The following IGDCC3 variants were observed in gnomAD, a reference collection of about 807,000 sequenced individuals.
IGDCC3 encodes putative neuronal cell adhesion molecule.
Under a neutral mutation model 72.0 loss-of-function variants are expected in IGDCC3, and 47 were observed. That is an observed-to-expected ratio of 0.65 (90% CI 0.52 to 0.83). The LOEUF (loss-of-function observed/expected upper bound fraction) is 0.83. Ranked by LOEUF, IGDCC3 falls within the 40% of genes least tolerant of loss-of-function variation. IGDCC3 has a pLI of 0.00. For missense variants in IGDCC3, 1,038 were observed against 1,091.3 expected (o/e 0.95, Z 0.69); for synonymous variants, 477 against 472.8 (o/e 1.01, Z -0.11).
intron 5 of IGDCC3, 24 bp from the exon 6 acceptor site, chr15:65,333,439 TG>T (rs781504511): frequency 6.3e-7 from 1 of 1,575,608 alleles, no homozygotes; most frequent in South Asian, 1.2e-5. Flanking sequence ...GGAGGGGGGA[TG>T]GGTGAGGGTC....
chr15:65,329,342 C>T lies in IGDCC3; in HGVS notation c.2205+48G>A. 2 of 1,536,376 alleles carry T rather than the reference C, an allele frequency of 1.3e-6. No individual in the cohort carries two copies. On this transcript the variant is annotated intron_variant, in intron 13 of 13. Coordinates refer to ENST00000327987, the MANE Select transcript of IGDCC3 (RefSeq NM_004884.4). The surrounding 1 kb of genome is among the most constrained non-coding windows in gnomAD (Gnocchi z 4.1). ...GAAGGGGGGCAGGATTGGAAGGTGG[C>T]AGTGTCAGAGCCTGAGGCGGGGGTT...
intron 8 of IGDCC3, 36 bp from the exon 9 acceptor site, chr15:65,331,250 G>A: frequency 1.2e-6 from 2 of 1,606,980 alleles, no homozygotes; most frequent in Non-Finnish European, 1.7e-6. Flanking sequence ...GAGTGTGAAG[G>A]ACTGGGGGAG....
At chr15:65,338,771 A>G (rs2091053194) in intron 2 of IGDCC3, among the ~76,000 whole-genome samples, 1 of 152,218 alleles carries the variant, frequency 6.6e-6, no homozygotes, top group Non-Finnish European at 1.5e-5. Flanking sequence ...GTCGCTCTTC[A>G]GGGCCCCTCC....
intron 11 of IGDCC3, among the ~76,000 whole-genome samples, 192 bp from the exon 12 acceptor site, chr15:65,330,056 G>A (rs1374836818): frequency 6.6e-6 from 1 of 152,112 alleles, no homozygotes; most frequent in Admixed American, 6.5e-5. Flanking sequence ...GAATAGCATG[G>A]ACCATTTCAT....
intron 2 of IGDCC3, chr15:65,373,447 G>A (rs911973760): frequency 6.6e-6 from 1 of 152,356 alleles, no homozygotes; most frequent in Non-Finnish European, 1.5e-5. Context: ...ACTCCATATG[G>A]GGGCCTGGAT....
rs2090972891 is a variant in IGDCC3, at chr15:65,331,047, C to T, written c.1561+3G>A. 1.9e-6 allele frequency: 3 copies of T among 1,613,318 alleles called. No homozygotes were observed. In the African/African-American group the frequency reaches 4.0e-5, roughly 21 times the overall value. On this transcript the variant is annotated splice_donor_region_variant and intron_variant, in intron 9 of 13. Coordinates refer to ENST00000327987, the MANE Select transcript of IGDCC3 (RefSeq NM_004884.4). ...GGTTTTGTGCTCCACACCCAGGCCT[C>T]ACCTTCACCCAGGGTGCTAGCTAGG... is the stretch of plus-strand genomic sequence containing the variant.
chr15:65,377,355 T>G lies in IGDCC3; in HGVS notation c.103+331A>C, dbSNP rs28408183. On this transcript the variant is annotated intron_variant, in intron 1 of 13. Transcript: ENST00000327987. The surrounding 1 kb of genome is among the most constrained non-coding windows in gnomAD (Gnocchi z 4.9). ...CGTCCGCCTCGGTCAGCGCTTAGCC[T>G]TGCGGTCTCCCCTGGCTCGTTTCCC... Among the ~76,000 whole-genome samples, 21,516 of 152,116 alleles carry G rather than the reference T, an allele frequency of 0.14. 1,674 individuals carry two copies. The highest frequency in any genetic ancestry group is 0.19 in the African/African-American group (8,012 of 41,498).
rs2091369859 is a variant in IGDCC3 at position 65,377,873 on chromosome 15, C to T, written c.-85G>A. On this transcript the variant is annotated 5_prime_UTR_variant, in exon 1 of 14. Transcript: ENST00000327987. This position sits in a 1 kb window ranked among gnomAD's most constrained non-coding sequence, Gnocchi z 4.9. The stretch of plus-strand genomic sequence containing the variant: ...GCGTCCCGCGGGGCCGGCGCCGGGG[C>T]CGGGGCTGGGGCTCCGGCCGGGGCC... 9 of 1,049,426 alleles carry T rather than the reference C, an allele frequency of 8.6e-6. No homozygotes were observed. The highest frequency in any genetic ancestry group is 1.7e-5 in the African/African-American group (1 of 58,478). 65.0% of individuals were successfully genotyped at this position (1,049,426 alleles called of 1,614,324 possible).
rs1470583034 is a variant in IGDCC3 at position 65,328,624 on chromosome 15, A to ATGTT, written c.*281_*284dup. 15 of 329,942 alleles carry ATGTT rather than the reference A, an allele frequency of 4.5e-5. No homozygotes were observed. Among genetic ancestry groups the ATGTT allele is most frequent in the Non-Finnish European group, 7.6e-5 (14 of 183,102 alleles). 20.4% of individuals were successfully genotyped at this position (329,942 alleles called of 1,614,324 possible). ...TTTAAGTTTTGCTTTTTAAAGAAAA[A>ATGTT]TGTTAGTTCAGTTCCAAGTCATGTG... On this transcript the variant is annotated 3_prime_UTR_variant, in exon 14 of 14. Coordinates refer to ENST00000327987, the MANE Select transcript of IGDCC3 (RefSeq NM_004884.4).
At chr15:65,361,172 T>C (rs2091257964) in intron 2 of IGDCC3, among the ~76,000 whole-genome samples, 1 of 152,108 alleles carries the variant, frequency 6.6e-6, no homozygotes, top group East Asian at 1.9e-4. Flanking sequence ...CTCAAGCCTG[T>C]AATCCCAGTA....
At chr15:65,356,037 C>T in intron 2 of IGDCC3, 2 of 262,546 alleles carry the variant, frequency 7.6e-6, no homozygotes, top group South Asian at 5.8e-5. Flanking sequence ...CCGGGCCCCT[C>T]CCCGAGCCTT....
At chr15:65,334,514 T>C in intron 5 of IGDCC3, 1 of 544,170 alleles carries the variant, frequency 1.8e-6, no homozygotes, top group East Asian at 3.2e-5. Flanking sequence ...AAGCCATCCC[T>C]GCAGGGATGA....
intron 2 of IGDCC3, chr15:65,355,794 G>A (rs2140160059): frequency 2.2e-6 from 1 of 453,514 alleles, no homozygotes; most frequent in Non-Finnish European, 4.4e-6. Flanking sequence ...GACAGCCATT[G>A]TCCTCGCACG....
intron 2 of IGDCC3, among the ~76,000 whole-genome samples, chr15:65,370,658 C>A (rs1322421949): frequency 1.6e-5 from 2 of 123,064 alleles, no homozygotes; most frequent in East Asian, 3.4e-4. Flanking sequence ...AAAATTAGTA[C>A]CTTAATAATA....
At chr15:65,347,103 G>A (rs371958500) in intron 2 of IGDCC3, among the ~76,000 whole-genome samples, 68 of 152,302 alleles carry the variant, frequency 4.5e-4, no homozygotes, top group South Asian at 2.1e-4. Context: ...AACTTCCGTC[G>A]TTCTGGTCAG....
chr15:65,330,728 G>A lies in IGDCC3; in HGVS notation c.1575C>T (p.Pro525=), dbSNP rs1443050616. The change falls in exon 10 of 14, where the codon CCC becomes CCT. Residue 525 remains proline, a synonymous_variant. Coordinates refer to ENST00000327987, the MANE Select transcript of IGDCC3 (RefSeq NM_004884.4). The part of the protein sequence containing the change: ...ASTLGEAPAP[P]PLSVRVLGSS... ...TGCCCAGGACTCGCACTGACAGTGG[G>A]GGTGGGGCAGGGGCTGCAGGTAGAG... 6.2e-7 allele frequency: 1 copy of A among 1,607,204 alleles called. No individual in the cohort carries two copies. Among genetic ancestry groups the A allele is most frequent in the South Asian group, 1.1e-5 (1 of 90,672 alleles).
intron 2 of IGDCC3, among the ~76,000 whole-genome samples, chr15:65,367,250 G>T (rs1021028271): frequency 6.6e-6 from 1 of 151,386 alleles, no homozygotes. Flanking sequence ...AGAGGCTGAG[G>T]CAGGAGAATC....
intron 2 of IGDCC3, among the ~76,000 whole-genome samples, chr15:65,351,420 G>A (rs1419006866): frequency 8.6e-5 from 13 of 151,878 alleles, no homozygotes; most frequent in Admixed American, 8.5e-4. Flanking sequence ...TGTAGTCCCA[G>A]CTACTTGGGA....
intron 1 of IGDCC3, among the ~76,000 whole-genome samples, chr15:65,376,887 G>C (rs1595768683): frequency 6.6e-6 from 1 of 152,290 alleles, no homozygotes; most frequent in African/African-American, 2.4e-5. Context: ...CTCCTCCCGG[G>C]AGATGGGACC....
Sources: gnomAD v4.1 joint callset for allele counts (sites outside exome capture counted in the v4.1 genomes callset) on GRCh38, gnomAD v4.1.1 for gene constraint, Gnocchi (gnomAD v3.1) non-coding constraint, MANE v1.5 for transcripts, NCBI Gene and HGNC (gene_info 2026-07-23, HGNC 2026-07-21) for gene names.